Variants in CFAP57 observed in about 807,000 individuals in gnomAD.
CFAP57 encodes cilia and flagella associated protein 57, also known as cilia- and flagella-associated protein 57.
A neutral mutation model predicts 146.8 loss-of-function variants in CFAP57; 116 were observed. The observed-to-expected ratio is 0.79, with a 90% CI of 0.68 to 0.92. The LOEUF (loss-of-function observed/expected upper bound fraction) is 0.92, where lower values mean the gene tolerates loss of function less well. Among genes scored for constraint, CFAP57 ranks in the 40% least tolerant of loss-of-function variants. The pLI is 0.00. For synonymous variants in CFAP57, 518 were observed against 552.8 expected (o/e 0.94, Z 0.88); for missense variants, 1,377 against 1,527.2 (o/e 0.90, Z 1.64).
Position 43,224,035 on chromosome 1 carries a change from C to A in CFAP57, c.2707-11C>A. ...TTTAGTGGTCTTTGTTGTTGCTGTT[C>A]GCTTTTCTAGTTCAGCAGCCTACAG... On this transcript the variant is annotated splice_polypyrimidine_tract_variant and intron_variant, in intron 16 of 22. Transcript: ENST00000372492. 2 of 1,550,068 alleles carry A rather than the reference C, an allele frequency of 1.3e-6. No individual in the cohort carries two copies. The highest frequency in any genetic ancestry group is 3.9e-5 in the Admixed American group (2 of 50,952).
chr1:43,233,765 G>A (rs888893850), intron 19 of CFAP57, among the ~76,000 whole-genome samples: 2 of 152,296 alleles, frequency 1.3e-5, no homozygotes, highest in Non-Finnish European at 2.9e-5. Flanking sequence ...ATGATGAAGA[G>A]GGGACACTAG....
At chr1:43,222,352 C>T in intron 15 of CFAP57, 57 bp downstream of exon 15, 2 of 1,368,468 alleles carry the variant, frequency 1.5e-6, no homozygotes, top group Non-Finnish European at 1.9e-6. Flanking sequence ...CACCCATTCA[C>T]TCAGATCTCC....
At chr1:43,212,628 A>G (rs974120364) in intron 11 of CFAP57, among the ~76,000 whole-genome samples, 1 of 151,362 alleles carries the variant, frequency 6.6e-6, no homozygotes, top group African/African-American at 2.4e-5. Context: ...TCTGCTATCA[A>G]ACATTAGAAC....
intron 22 of CFAP57, among the ~76,000 whole-genome samples, chr1:43,245,806 C>T (rs3120277): frequency 0.04 from 6,062 of 152,216 alleles, 194 homozygotes; most frequent in African/African-American, 0.088. Context: ...AAGAACTCCT[C>T]CAGACTTCCA....
intron 2 of CFAP57, among the ~76,000 whole-genome samples, chr1:43,173,974 A>C (rs1645074600): frequency 6.6e-6 from 1 of 152,174 alleles, no homozygotes; most frequent in East Asian, 1.9e-4. Context: ...TGAGAAAAGG[A>C]ATTGTGGTTT....
Position 43,229,515 on chromosome 1 carries a change from C to A in CFAP57, c.3009+2389C>A, listed in dbSNP as rs941723013. On this transcript the variant is annotated intron_variant, in intron 18 of 22. Coordinates refer to ENST00000372492, the MANE Select transcript of CFAP57 (RefSeq NM_001378189.1). ...GTGGATCTCCTGTAAAGGTCTTTTTCTCCCAGGAAGGAAGCCTCAAGCCCT... is the reference window on the plus strand; with the variant it reads ...GTGGATCTCCTGTAAAGGTCTTTTTATCCCAGGAAGGAAGCCTCAAGCCCT... 3.4e-5 allele frequency among the ~76,000 whole-genome samples: 5 copies of A among 148,532 alleles called. 2 individuals carry two copies. The highest frequency in any genetic ancestry group is 1.3e-4 in the African/African-American group (5 of 39,748).
At chr1:43,206,953 C>A in intron 10 of CFAP57, 21 bp downstream of exon 10, 1 of 1,607,692 alleles carries the variant, frequency 6.2e-7, no homozygotes, top group African/African-American at 1.3e-5. Flanking sequence ...CCCTGCCCCG[C>A]CTCTGGGCTG....
intron 11 of CFAP57, among the ~76,000 whole-genome samples, chr1:43,214,147 A>G (rs1570145049): frequency 6.6e-6 from 1 of 151,766 alleles, no homozygotes; most frequent in Non-Finnish European, 1.5e-5. Context: ...CAGCCTCCCA[A>G]TGTGCTGGGA....
At chr1:43,241,329 T>G (rs989775542) in intron 21 of CFAP57, among the ~76,000 whole-genome samples, 2 of 152,152 alleles carry the variant, frequency 1.3e-5, no homozygotes, top group African/African-American at 4.8e-5. Flanking sequence ...CAAACTATAT[T>G]GTAAGGAATA....
intron 18 of CFAP57, among the ~76,000 whole-genome samples, chr1:43,228,154 G>A (rs1645326883): frequency 6.6e-6 from 1 of 152,178 alleles, no homozygotes; most frequent in South Asian, 2.1e-4. Context: ...AGGCCCACAA[G>A]GTCCTGCGTG....
At chr1:43,191,928 A>G (rs1157449042) in intron 6 of CFAP57, among the ~76,000 whole-genome samples, 1 of 151,540 alleles carries the variant, frequency 6.6e-6, no homozygotes, top group Non-Finnish European at 1.5e-5. Flanking sequence ...AAATTTTGCT[A>G]TGTTATGTCT....
At chr1:43,242,964 A>G (rs1057038210) in intron 21 of CFAP57, among the ~76,000 whole-genome samples, 8 of 152,162 alleles carry the variant, frequency 5.3e-5, no homozygotes, top group Admixed American at 5.2e-4. Flanking sequence ...AGTGCATGGA[A>G]AAGCATTGTT....
chr1:43,178,664 A>G (rs1645263254), intron 2 of CFAP57, among the ~76,000 whole-genome samples: 1 of 152,230 alleles, frequency 6.6e-6, no homozygotes, highest in African/African-American at 2.4e-5. Flanking sequence ...TAGAGAAATA[A>G]GAACACTTTT....
At chr1:43,188,361 T>G (rs1224972448) in intron 6 of CFAP57, among the ~76,000 whole-genome samples, 1 of 152,212 alleles carries the variant, frequency 6.6e-6, no homozygotes, top group African/African-American at 2.4e-5. Flanking sequence ...ACTGCCATAC[T>G]GTTTTCCAAA....
chr1:43,199,784 G>C (rs1644036761), intron 9 of CFAP57, among the ~76,000 whole-genome samples: 1 of 152,178 alleles, frequency 6.6e-6, no homozygotes, highest in African/African-American at 2.4e-5. Flanking sequence ...GAGTGAGTAG[G>C]AGTTAATCAG....
intron 9 of CFAP57, among the ~76,000 whole-genome samples, chr1:43,204,613 ATCTTT>A (rs1644280124): frequency 6.6e-6 from 1 of 152,092 alleles, no homozygotes; most frequent in African/African-American, 2.4e-5. Flanking sequence ...TCTATTTTTC[ATCTTT>A]TCTTTTAGCC....
rs142948322 is a variant in CFAP57 at position 43,235,087 on chromosome 1, T to A, written c.3405+449T>A. 1.2e-3 allele frequency among the ~76,000 whole-genome samples: 177 copies of A among 152,266 alleles called. 1 individual carries two copies. Among genetic ancestry groups the A allele is most frequent in the African/African-American group, 4.0e-3 (166 of 41,558 alleles). On this transcript the variant is annotated intron_variant, in intron 21 of 22. Coordinates refer to ENST00000372492, the MANE Select transcript of CFAP57 (RefSeq NM_001378189.1). Reference sequence around the variant, plus strand: ...ATTTCACCTGACTTTGTTTTGCTCCTTTGTATTCTGCTACCCATATCTCGT... The same window carrying A: ...ATTTCACCTGACTTTGTTTTGCTCCATTGTATTCTGCTACCCATATCTCGT...
intron 10 of CFAP57, 60 bp downstream of exon 10, chr1:43,206,992 G>C: frequency 8.3e-6 from 13 of 1,558,130 alleles, no homozygotes; most frequent in Non-Finnish European, 1.1e-5. Flanking sequence ...ACAGCTTCCC[G>C]TGCTTACAGC....
chr1:43,254,081 A>C lies in CFAP57; in HGVS notation c.3643A>C (p.Arg1215=), dbSNP rs1274092443. The change falls in exon 23 of 23, where the codon AGA becomes CGA. Residue 1215 remains arginine, a synonymous_variant. Coordinates refer to ENST00000372492, the MANE Select transcript of CFAP57 (RefSeq NM_001378189.1). ...GCAGCGCCTAGAAATCCAGCGCCTC[A>C]GAGACCAGATCCAAGAGCAAGAGCA... The part of the protein sequence containing the change: ...EMQRLEIQRL[R]DQIQEQEQVT... 1 of 1,550,662 alleles carries C rather than the reference A, an allele frequency of 6.4e-7. No individual in the cohort carries two copies. Among genetic ancestry groups the C allele is most frequent in the South Asian group, 1.2e-5 (1 of 84,058 alleles).
Sources: gnomAD v4.1 joint callset for allele counts (sites outside exome capture counted in the v4.1 genomes callset) on GRCh38, gnomAD v4.1.1 for gene constraint, MANE v1.5 for transcripts, NCBI Gene and HGNC (gene_info 2026-07-23, HGNC 2026-07-21) for gene names.